Variants in XKR9 observed in about 807,000 individuals in gnomAD.
The protein encoded by XKR9 is XK-related protein 9.
Under a neutral mutation model 32.0 loss-of-function variants are expected in XKR9, and 32 were observed. The observed-to-expected ratio is 1.00, with a 90% CI of 0.76 to 1.34. XKR9 has a LOEUF of 1.34. XKR9 is among the 40% of genes most tolerant of loss of function. XKR9 has a pLI of 0.00. For synonymous variants in XKR9, 168 were observed against 143.4 expected (o/e 1.17, Z -1.22); for missense variants, 546 against 429.7 (o/e 1.27, Z -2.39).
the XKR9 span, among the ~76,000 whole-genome samples, chr8:70,979,701 C>T: frequency 1.3e-5 from 2 of 152,198 alleles, no homozygotes; most frequent in African/African-American, 4.8e-5. Flanking sequence ...CCAAGTTTGG[C>T]TACACGGGGG....
At chr8:70,953,220 T>C in the XKR9 span, among the ~76,000 whole-genome samples, 3 of 152,222 alleles carry the variant, frequency 2.0e-5, no homozygotes, top group African/African-American at 7.2e-5. Context: ...CAGGCATTAA[T>C]TGAGCACTCA....
At position 70,786,030 on chromosome 8, in the gene XKR9, A is replaced by G. The variant is rs145936166; in HGVS notation, n.353-3309A>G. ...AATTTCCCTTTTAATTTCTTCGGTG[A>G]CCCATTGGTTGTTCAGGACCATGTT... On this transcript the variant is annotated intron_variant and non_coding_transcript_variant, in intron 2 of 3. Transcript: ENST00000520273. Among the ~76,000 whole-genome samples the G allele has an allele frequency of 3.5e-3, 534 of 152,036 alleles. 3 individuals carry two copies. The highest frequency in any genetic ancestry group is 0.019 in the South Asian group (93 of 4,822).
the XKR9 span, among the ~76,000 whole-genome samples, chr8:70,869,156 C>G: frequency 6.6e-6 from 1 of 152,200 alleles, no homozygotes; most frequent in African/African-American, 2.4e-5. Flanking sequence ...CAAATGGTTC[C>G]AAGCTCTGCC....
At chr8:70,946,491 C>T in the XKR9 span, among the ~76,000 whole-genome samples, 2 of 152,164 alleles carry the variant, frequency 1.3e-5, no homozygotes, top group African/African-American at 4.8e-5. Flanking sequence ...CTACAACAGT[C>T]CTTCAGAGTA....
Position 70,789,800 on chromosome 8 carries a change from G to C in XKR9, n.476-281G>C, listed in dbSNP as rs555241902. Among the ~76,000 whole-genome samples the C allele has an allele frequency of 2.0e-5, 3 of 152,030 alleles. No individual in the cohort carries two copies. In the South Asian group the frequency reaches 6.2e-4, roughly 32 times the overall value. The stretch of plus-strand genomic sequence containing the variant: ...GTAGGTTCAGGTTTAAGTAATTACT[G>C]TTCTTGTTTTACTGCATTTTGATGA... On this transcript the variant is annotated intron_variant and non_coding_transcript_variant, in intron 3 of 3. Transcript: ENST00000520273.
the XKR9 span, among the ~76,000 whole-genome samples, chr8:70,880,672 A>T: frequency 2.6e-5 from 4 of 152,204 alleles, no homozygotes; most frequent in Non-Finnish European, 5.9e-5. Flanking sequence ...GGAAGAATCA[A>T]TATCATGAAA....
At chr8:70,828,743 A>G in the XKR9 span, among the ~76,000 whole-genome samples, 5 of 151,904 alleles carry the variant, frequency 3.3e-5, no homozygotes, top group Non-Finnish European at 5.9e-5. Context: ...AAAAAAAAAA[A>G]AAAGAAAGAC....
chr8:70,881,176 A>T, the XKR9 span, among the ~76,000 whole-genome samples: 33 of 152,336 alleles, frequency 2.2e-4, no homozygotes, highest in South Asian at 6.6e-3. Context: ...CTTGAAGAGA[A>T]CCTAGGCAAT....
At chr8:70,885,571 G>T in the XKR9 span, among the ~76,000 whole-genome samples, 1 of 151,240 alleles carries the variant, frequency 6.6e-6, no homozygotes, top group South Asian at 2.1e-4. Flanking sequence ...TCCCCTTTCC[G>T]TTGATCCATG....
At chr8:70,758,799 C>T (rs1807265798) in intron 2 of XKR9, among the ~76,000 whole-genome samples, 1 of 152,154 alleles carries the variant, frequency 6.6e-6, no homozygotes, top group South Asian at 2.1e-4. Context: ...TTATCATCAA[C>T]AGTGAAGCAG....
chr8:70,943,000 T>G, the XKR9 span, among the ~76,000 whole-genome samples: 1 of 152,176 alleles, frequency 6.6e-6, no homozygotes, highest in South Asian at 2.1e-4. Flanking sequence ...CAAAAATGGT[T>G]TACATAGAGC....
At chr8:70,707,474 C>T (rs1421221689) in intron 4 of XKR9, among the ~76,000 whole-genome samples, 2 of 151,796 alleles carry the variant, frequency 1.3e-5, no homozygotes, top group East Asian at 1.9e-4. Context: ...TTTTGTGCCT[C>T]ATAGTATATC....
the XKR9 span, among the ~76,000 whole-genome samples, chr8:70,814,851 G>T: frequency 6.6e-6 from 1 of 152,148 alleles, no homozygotes; most frequent in African/African-American, 2.4e-5. Flanking sequence ...GAAAACCCTA[G>T]AGAGTCCACA....
At chr8:71,009,808 A>C in the XKR9 span, among the ~76,000 whole-genome samples, 1 of 152,222 alleles carries the variant, frequency 6.6e-6, no homozygotes, top group Non-Finnish European at 1.5e-5. Flanking sequence ...GGACTTGTTT[A>C]AACAATGAAG....
the XKR9 span, among the ~76,000 whole-genome samples, chr8:70,811,098 C>A: frequency 1.7e-4 from 26 of 152,164 alleles, no homozygotes; most frequent in African/African-American, 5.8e-4. Flanking sequence ...GTCTCACAGA[C>A]CATAGTGCAA....
chr8:70,957,125 A>G, the XKR9 span, among the ~76,000 whole-genome samples: 4 of 152,234 alleles, frequency 2.6e-5, no homozygotes, highest in Non-Finnish European at 5.9e-5. Flanking sequence ...TGTAATATGA[A>G]TTACACTTTG....
the XKR9 span, among the ~76,000 whole-genome samples, chr8:70,882,650 G>A: frequency 6.6e-6 from 1 of 151,990 alleles, no homozygotes; most frequent in East Asian, 1.9e-4. Context: ...AGAAGGTACA[G>A]AATTTCATAT....
At chr8:70,832,635 C>T in the XKR9 span, among the ~76,000 whole-genome samples, 1 of 152,164 alleles carries the variant, frequency 6.6e-6, no homozygotes, top group Non-Finnish European at 1.5e-5. Flanking sequence ...TACTAGATAA[C>T]TCCTATTAAG....
chr8:70,985,160 G>A, the XKR9 span, among the ~76,000 whole-genome samples: 81 of 152,280 alleles, frequency 5.3e-4, no homozygotes, highest in Admixed American at 1.9e-3. Context: ...TGTTGTGGGA[G>A]GAAATCCCTG....
Sources: allele counts gnomAD v4.1 joint callset (sites outside exome capture counted in the v4.1 genomes callset), GRCh38; gene constraint gnomAD v4.1.1; transcripts MANE v1.5; gene names NCBI Gene and HGNC (gene_info 2026-07-23, HGNC 2026-07-21).